NRXN3: variants seen among roughly 807,000 people sequenced by gnomAD.
NRXN3 encodes neurexin III.
A neutral mutation model predicts 137.6 loss-of-function variants in NRXN3; 32 were observed. That is an observed-to-expected ratio of 0.23 (90% CI 0.18 to 0.31). NRXN3 has a LOEUF of 0.31. Ranked by LOEUF, NRXN3 falls within the 10% of genes least tolerant of loss-of-function variation. The pLI, the probability that NRXN3 is intolerant of heterozygous loss-of-function variation, is 1.00. For synonymous variants in NRXN3, 798 were observed against 784.5 expected (o/e 1.02, Z -0.29); for missense variants, 1,574 against 2,062.5 (o/e 0.76, Z 4.59).
intron 16 of NRXN3, among the ~76,000 whole-genome samples, chr14:79,637,878 C>T (rs1042249759): frequency 8.8e-5 from 12 of 136,208 alleles, no homozygotes; most frequent in Admixed American, 6.3e-4. Context: ...TACAGGTGTG[C>T]GCCACCATGC....
At chr14:79,382,527 T>A (rs1422799743) in intron 15 of NRXN3, among the ~76,000 whole-genome samples, 4 of 152,128 alleles carry the variant, frequency 2.6e-5, no homozygotes, top group African/African-American at 9.7e-5. Flanking sequence ...CTCAGAACAA[T>A]TGTTCTCCCC....
At chr14:79,702,759 A>T (rs1050510041) in intron 19 of NRXN3, among the ~76,000 whole-genome samples, 2 of 152,062 alleles carry the variant, frequency 1.3e-5, no homozygotes, top group African/African-American at 4.8e-5. Flanking sequence ...TTCCTCTACA[A>T]CTGACTCCAA....
At chr14:78,987,934 A>G (rs1457698165) in intron 14 of NRXN3, 88 bp from the exon 15 acceptor site, 30 of 1,432,708 alleles carry the variant, frequency 2.1e-5, no homozygotes, top group Non-Finnish European at 2.3e-5. Flanking sequence ...TGAGAATGGT[A>G]AATTCAGGTG....
intron 19 of NRXN3, among the ~76,000 whole-genome samples, chr14:79,766,752 C>A (rs1227626119): frequency 6.6e-6 from 1 of 152,166 alleles, no homozygotes; most frequent in African/African-American, 2.4e-5. Context: ...ATGTTATTGG[C>A]TGATCTTAAA....
At chr14:78,448,517 G>T (rs1203187699) in intron 4 of NRXN3, among the ~76,000 whole-genome samples, 1 of 152,202 alleles carries the variant, frequency 6.6e-6, no homozygotes, top group Non-Finnish European at 1.5e-5. Flanking sequence ...CACTGTAGCA[G>T]TTTTTCCTAG....
chr14:78,993,275 C>T (rs756159003), intron 15 of NRXN3, among the ~76,000 whole-genome samples: 2 of 152,004 alleles, frequency 1.3e-5, no homozygotes, highest in Non-Finnish European at 2.9e-5. Flanking sequence ...ATTCAAGCTT[C>T]AGAAAATACA....
chr14:78,688,189 A>G (rs1394313972), intron 6 of NRXN3, among the ~76,000 whole-genome samples: 2 of 152,314 alleles, frequency 1.3e-5, no homozygotes, highest in Non-Finnish European at 2.9e-5. Flanking sequence ...ACCTGTTGAG[A>G]ACCCTCAAGT....
At chr14:79,174,107 T>C (rs749759734) in intron 15 of NRXN3, among the ~76,000 whole-genome samples, 5 of 152,152 alleles carry the variant, frequency 3.3e-5, no homozygotes, top group Non-Finnish European at 7.3e-5. Context: ...TATTTTACTA[T>C]GGGGAGAAGG....
intron 15 of NRXN3, among the ~76,000 whole-genome samples, chr14:79,015,064 G>C (rs768197131): frequency 1.3e-5 from 2 of 151,964 alleles, no homozygotes; most frequent in Non-Finnish European, 2.9e-5. Context: ...GCCTGTCTTC[G>C]CAATGTCCCC....
intron 16 of NRXN3, among the ~76,000 whole-genome samples, chr14:79,567,459 G>C (rs992375605): frequency 6.6e-6 from 1 of 152,024 alleles, no homozygotes; most frequent in African/African-American, 2.4e-5. Context: ...TCTTAGAATG[G>C]TAGAGGTGAT....
chr14:78,643,956 C>T (rs2097660708), intron 4 of NRXN3, among the ~76,000 whole-genome samples: 1 of 152,028 alleles, frequency 6.6e-6, no homozygotes, highest in Non-Finnish European at 1.5e-5. Flanking sequence ...TCCTGGCCAA[C>T]ATGGTGAAAC....
At chr14:78,662,244 A>T (rs778035289) in intron 6 of NRXN3, among the ~76,000 whole-genome samples, 40 of 151,938 alleles carry the variant, frequency 2.6e-4, no homozygotes, top group Non-Finnish European at 5.6e-4. Flanking sequence ...AAAAAAAAAA[A>T]TACCCAAAAA....
intron 15 of NRXN3, among the ~76,000 whole-genome samples, chr14:79,413,868 G>C (rs2597086): frequency 0.38 from 43,811 of 116,564 alleles, 7,602 homozygotes; most frequent in Middle Eastern, 0.63. Flanking sequence ...GCTGACCCAG[G>C]AACCATGTGG....
At chr14:79,253,803 C>T (rs1470695646) in intron 15 of NRXN3, among the ~76,000 whole-genome samples, 1 of 152,230 alleles carries the variant, frequency 6.6e-6, no homozygotes, top group Non-Finnish European at 1.5e-5. Context: ...AATCTAATCA[C>T]CTCCCACCAG....
At chr14:78,656,695 C>T (rs2097786933) in intron 6 of NRXN3, among the ~76,000 whole-genome samples, 1 of 152,046 alleles carries the variant, frequency 6.6e-6, no homozygotes, top group Non-Finnish European at 1.5e-5. Flanking sequence ...ATTCATCTAC[C>T]ACTTTCCCCT....
chr14:79,248,765 G>C (rs1322489678), intron 15 of NRXN3: 1 of 152,188 alleles, frequency 6.6e-6, no homozygotes, highest in Non-Finnish European at 1.5e-5. Flanking sequence ...TAAAGAAAGT[G>C]ACTTTTTATT....
chr14:79,033,661 C>G (rs905686300), intron 15 of NRXN3, among the ~76,000 whole-genome samples: 1 of 152,072 alleles, frequency 6.6e-6, no homozygotes. Context: ...ATTATGAAAC[C>G]TGTCGTTAGT....
intron 16 of NRXN3, among the ~76,000 whole-genome samples, chr14:79,585,699 A>C (rs1047801663): frequency 1.3e-4 from 20 of 151,342 alleles, no homozygotes; most frequent in South Asian, 6.3e-4. Context: ...AAAAACAAAA[A>C]AAAAAAAAAC....
At chr14:79,725,203 A>G (rs570728883) in intron 19 of NRXN3, among the ~76,000 whole-genome samples, 3 of 152,324 alleles carry the variant, frequency 2.0e-5, no homozygotes, top group African/African-American at 7.2e-5. Context: ...AACATGGGCA[A>G]ACATTGGCTG....
Sources: gnomAD v4.1 joint callset for allele counts (sites outside exome capture counted in the v4.1 genomes callset) on GRCh38, gnomAD v4.1.1 for gene constraint, MANE v1.5 for transcripts, NCBI Gene and HGNC (gene_info 2026-07-23, HGNC 2026-07-21) for gene names.